Variants in PLXNB3 observed in about 807,000 individuals in gnomAD.
PLXNB3 encodes plexin-B3.
A neutral mutation model predicts 125.7 loss-of-function variants in PLXNB3; 80 were observed. The ratio of observed to expected loss-of-function variants is 0.64; its 90% CI spans 0.53 to 0.77. The LOEUF (loss-of-function observed/expected upper bound fraction) is 0.77, where lower values mean the gene tolerates loss of function less well. Ranked by LOEUF, PLXNB3 falls within the 30% of genes least tolerant of loss-of-function variation. The probability of loss-of-function intolerance (pLI) is 0.00; values close to 1 mark genes in which losing one functional copy is unlikely to be tolerated. For missense variants in PLXNB3, 1,836 were observed against 1,729.3 expected (o/e 1.06, Z -1.09); for synonymous variants, 954 against 783.3 (o/e 1.22, Z -3.64).
At chrX:153,765,277 C>T (rs2091844593) in intron 1 of PLXNB3, among the ~76,000 whole-genome samples, 194 bp from the exon 2 acceptor site, 2 of 113,007 alleles carry the variant, frequency 1.8e-5, no homozygotes, top group Non-Finnish European at 3.8e-5. Context: ...CGAGTGGGGC[C>T]CTGGCCTGGC....
At chrX:153,771,717 G>C in intron 14 of PLXNB3, 62 bp downstream of exon 14, 2 of 1,131,989 alleles carry the variant, frequency 1.8e-6, no homozygotes, top group South Asian at 4.1e-5. Context: ...GCACTGTCCT[G>C]TCCTCCGTGA....
At position 153,775,314 on chromosome X, in the gene PLXNB3, G is replaced by A; in HGVS notation, c.4245G>A (p.Lys1415=). The A allele has an allele frequency of 8.3e-7, 1 of 1,210,408 alleles. No homozygotes were observed. ...ASLLSLALHG[K]LEYLTDIMRT... is the part of the protein sequence containing the mutation. ...TGCTGTCGCTAGCGCTACACGGCAA[G>A]CTGGAGTACCTGACGGACATCATGA... is the stretch of plus-strand genomic sequence containing the variant. Residue 1415 remains lysine, a synonymous_variant, in exon 25 of 36, where the codon AAG becomes AAA. Coordinates refer to ENST00000361971, the MANE Select transcript of PLXNB3 (RefSeq NM_005393.3).
Position 153,778,467 on chromosome X carries a change from C to T in PLXNB3, c.5546C>T (p.Ser1849Phe). Residue 1849 changes from serine to phenylalanine, a missense_variant, in exon 34 of 36, where the codon TCC (serine) becomes TTC (phenylalanine). Transcript: ENST00000361971. ...QEMNSALAEL[S>F]GNYTSAPHCL... is the part of the protein sequence containing the mutation. ...ATGAACTCTGCTTTGGCTGAGCTCT[C>T]CGGGGTGAGGCATGGCCCGGGGGGT... is the stretch of plus-strand genomic sequence containing the variant. The T allele has an allele frequency of 8.3e-7, 1 of 1,208,506 alleles. No individual in the cohort carries two copies. The highest frequency in any genetic ancestry group is 3.0e-5 in the East Asian group (1 of 33,723).
Position 153,777,195 on chromosome X carries a change from C to T in PLXNB3, c.4928-13C>T. The T allele has an allele frequency of 8.8e-7, 1 of 1,135,234 alleles. No individual in the cohort carries two copies. Among genetic ancestry groups the T allele is most frequent in the Non-Finnish European group, 1.2e-6 (1 of 853,350 alleles). 93.6% of individuals were successfully genotyped at this position (1,135,234 alleles called of 1,213,427 possible). On this transcript the variant is annotated splice_polypyrimidine_tract_variant and intron_variant, in intron 29 of 35. Transcript: ENST00000361971. Reference sequence around the variant, plus strand: ...GGGGGTATAGCCCTGAAGCCAGGCTCCTGTGCCCTCAGACATACCCACGCT... The same window carrying T: ...GGGGGTATAGCCCTGAAGCCAGGCTTCTGTGCCCTCAGACATACCCACGCT...
rs782224384 is a variant in PLXNB3 at position 153,767,844 on chromosome X, G to A, written c.1017G>A (p.Arg339=). 3.5e-6 allele frequency: 4 copies of A among 1,139,278 alleles called. No homozygotes were observed. The African/African-American group carries it at 5.4e-5, about 15-fold the overall frequency. The allele number at this position is 1,139,278 out of a possible 1,213,427, so 93.9% of individuals were successfully genotyped here. A position where few individuals can be genotyped will look rare whatever the true frequency, so the allele number is the denominator to read the frequency against. ...GACTCTGCTACACGGCGGGCGGCCG[G>A]GGCCCCAGCGGCGCAGAGGAAGCCA... ...ARRLCYTAGG[R]GPSGAEEATV... is the part of the protein sequence containing the mutation. The change falls in exon 3 of 36, where the codon CGG becomes CGA. Residue 339 remains arginine (R), a synonymous_variant. Transcript: ENST00000361971.
At chrX:153,769,112 C>G (rs368468236) in intron 5 of PLXNB3, 36 bp downstream of exon 5, 7 of 1,200,585 alleles carry the variant, frequency 5.8e-6, no homozygotes, top group Non-Finnish European at 7.9e-6. Flanking sequence ...GGCCAGCACA[C>G]GCGGCCCAAG....
intron 14 of PLXNB3, 24 bp downstream of exon 14, chrX:153,771,679 C>G: frequency 4.3e-6 from 5 of 1,163,263 alleles, no homozygotes; most frequent in Non-Finnish European, 5.7e-6. Flanking sequence ...CGGGCCCCCA[C>G]AGCCCAGTGG....
Position 153,769,737 on chromosome X carries a change from AGGCCCCTGTTGCCGGTCATCCT to A in PLXNB3, c.1497-69_1497-48del. 2.7e-6 allele frequency: 3 copies of A among 1,100,804 alleles called. No homozygotes were observed. In the South Asian group the frequency reaches 6.3e-5, roughly 23 times the overall value. 90.7% of individuals were successfully genotyped at this position (1,100,804 alleles called of 1,213,427 possible). On this transcript the variant is annotated intron_variant, in intron 6 of 35. Coordinates refer to ENST00000361971, the MANE Select transcript of PLXNB3 (RefSeq NM_005393.3). Reference sequence around the variant, plus strand: ...GCACTCCAGCTGGGCCGGCCTCCCCAGGCCCCTGTTGCCGGTCATCCTTGGAGTCTAGGACCCCCACGGTGAC... The same window carrying A: ...GCACTCCAGCTGGGCCGGCCTCCCCATGGAGTCTAGGACCCCCACGGTGAC...
In PLXNB3 at chrX:153,773,395, C is replaced by T. The variant is rs1603247414; in HGVS notation, c.3072C>T (p.Ala1024=). 1 of 1,201,701 alleles carries T rather than the reference C, an allele frequency of 8.3e-7. No homozygotes were observed. Among genetic ancestry groups the T allele is most frequent in the Middle Eastern group, 2.3e-4 (1 of 4,263 alleles). The part of the protein sequence containing the change: ...NPQLVAAEPS[A]SFRGGGRLIR... ...AGCTTGTAGCGGCGGAGCCCAGTGC[C>T]AGCTTCCGGGGGTGAGGGTCAGCCC... Residue 1024 remains alanine, a synonymous_variant, in exon 18 of 36, where the codon GCC becomes GCT. Transcript: ENST00000361971.
rs782818597 is a variant in PLXNB3 at position 153,772,987 on chromosome X, T to C, written c.2877T>C (p.Ser959=). Residue 959 remains serine (S), a synonymous_variant, in exon 17 of 36, where the codon AGT becomes AGC. Transcript: ENST00000361971. Reference sequence around the variant, plus strand: ...ACCTCCAGACAGGTGGCAACACCAGTGCCTTCGTGGGTGGCCAACCCTGTC... The same window carrying C: ...ACCTCCAGACAGGTGGCAACACCAGCGCCTTCGTGGGTGGCCAACCCTGTC... ...GQHLQTGGNT[S]AFVGGQPCPI... The C allele has an allele frequency of 1.7e-6, 2 of 1,195,346 alleles. No homozygotes were observed. The highest frequency in any genetic ancestry group is 3.5e-5 in the African/African-American group (2 of 56,925).
chrX:153,777,854 G>A (rs1329586857), intron 31 of PLXNB3, 94 bp from the exon 32 acceptor site: 2 of 1,110,191 alleles, frequency 1.8e-6, no homozygotes, highest in Middle Eastern at 6.9e-4. Context: ...GCGGCCCCTG[G>A]CTCCGAGTGT....
rs1308989605 is a variant in PLXNB3, at chrX:153,767,456, G to T, written c.629G>T (p.Gly210Val). The change falls in exon 3 of 36, where the codon GGG (glycine) becomes GTG (valine). Residue 210 changes from glycine (G) to valine (V), a missense_variant. Gly to Val is a moderately radical substitution (Grantham distance 109). Coordinates refer to ENST00000361971, the MANE Select transcript of PLXNB3 (RefSeq NM_005393.3). ...VPPLAIRQLAGSQPFSSEGLG... is the reference protein window; with the variant it reads ...VPPLAIRQLAVSQPFSSEGLG... Reference sequence around the variant, plus strand: ...CCCCTGGCCATCCGCCAGCTGGCCGGGTCTCAGCCCTTCTCCAGCGAGGGC... The same window carrying T: ...CCCCTGGCCATCCGCCAGCTGGCCGTGTCTCAGCCCTTCTCCAGCGAGGGC... The T allele has an allele frequency of 8.4e-7, 1 of 1,193,207 alleles. No individual in the cohort carries two copies. The highest frequency in any genetic ancestry group is 1.7e-5 in the African/African-American group (1 of 57,169).
Position 153,770,541 on chromosome X carries a change from G to T in PLXNB3, c.1909G>T (p.Val637Leu). 3 of 1,211,037 alleles carry T rather than the reference G, an allele frequency of 2.5e-6. No individual in the cohort carries two copies. The highest frequency in any genetic ancestry group is 3.4e-6 in the Non-Finnish European group (3 of 895,282). ...LEAAAPCRACVGSIWRCHWCP... is the reference protein window; with the variant it reads ...LEAAAPCRACLGSIWRCHWCP... ...CTGCCCCTCTAGGTGTCGCGCTTGC[G>T]TGGGCAGCATCTGGCGGTGTCACTG... is the stretch of plus-strand genomic sequence containing the variant. The change falls in exon 10 of 36, where the codon GTG becomes TTG. Residue 637 changes from valine (V) to leucine (L), a missense_variant. Physicochemically the swap from Val to Leu is conservative, Grantham distance 32. Coordinates refer to ENST00000361971, the MANE Select transcript of PLXNB3 (RefSeq NM_005393.3).
At chrX:153,777,021 G>A (rs782055203) in intron 29 of PLXNB3, 41 bp downstream of exon 29, 11 of 1,043,669 alleles carry the variant, frequency 1.1e-5, no homozygotes, top group Middle Eastern at 2.5e-4. Flanking sequence ...TGGAGTCCAG[G>A]CTGGGCAGGC....
At position 153,773,380 on chromosome X, in the gene PLXNB3, G is replaced by T. The variant is rs782607267; in HGVS notation, c.3057G>T (p.Ala1019=). 3 of 1,205,229 alleles carry T rather than the reference G, an allele frequency of 2.5e-6. No homozygotes were observed. The highest frequency in any genetic ancestry group is 3.6e-5 in the South Asian group (2 of 56,112). ...FRYTANPQLV[A]AEPSASFRGG... is the part of the protein sequence containing the mutation. ...ACACCGCCAACCCCCAGCTTGTAGC[G>T]GCGGAGCCCAGTGCCAGCTTCCGGG... The change falls in exon 18 of 36, where the codon GCG becomes GCT. Residue 1019 remains alanine, a synonymous_variant. Coordinates refer to ENST00000361971, the MANE Select transcript of PLXNB3 (RefSeq NM_005393.3).
At chrX:153,766,367 G>T (rs1025397219) in intron 2 of PLXNB3, 1 of 1,119,189 alleles carries the variant, frequency 8.9e-7, no homozygotes, top group Non-Finnish European at 1.2e-6. Context: ...GCACACGGTG[G>T]CCTCACTCCT....
intron 2 of PLXNB3, chrX:153,766,270 C>G: frequency 8.6e-7 from 1 of 1,166,558 alleles, no homozygotes; most frequent in Non-Finnish European, 1.1e-6. Flanking sequence ...GGCTGCCTGG[C>G]TCTTTCCCCC....
chrX:153,776,152 T>C lies in PLXNB3; in HGVS notation c.4667T>C (p.Leu1556Ser), dbSNP rs1569542156. ...DTITQVKEKVLDQVYKGTPFS... is the reference protein window; with the variant it reads ...DTITQVKEKVSDQVYKGTPFS... ...ATCACCCAGGTCAAGGAGAAGGTGTTGGACCAAGTCTACAAGGGCACCCCC... is the reference window on the plus strand; with the variant it reads ...ATCACCCAGGTCAAGGAGAAGGTGTCGGACCAAGTCTACAAGGGCACCCCC... The change falls in exon 27 of 36, where the codon TTG (leucine) becomes TCG (serine). Residue 1556 changes from leucine to serine, a missense_variant. By Grantham distance (145) the Leu-to-Ser change is moderately radical (BLOSUM62 -2). Coordinates refer to ENST00000361971, the MANE Select transcript of PLXNB3 (RefSeq NM_005393.3). 1 of 1,201,867 alleles carries C rather than the reference T, an allele frequency of 8.3e-7. No homozygotes were observed. Among genetic ancestry groups the C allele is most frequent in the East Asian group, 3.0e-5 (1 of 33,365 alleles).
At position 153,766,332 on chromosome X, in the gene PLXNB3, T is replaced by C. The variant is rs782410635; in HGVS notation, c.46-541T>C. 3.4e-4 allele frequency: 392 copies of C among 1,150,080 alleles called. 1 individual carries two copies. Among genetic ancestry groups the C allele is most frequent in the Non-Finnish European group, 5.0e-5 (43 of 864,086 alleles). 94.8% of individuals were successfully genotyped at this position (1,150,080 alleles called of 1,213,427 possible). A position where few individuals can be genotyped will look rare whatever the true frequency, so the allele number is the denominator to read the frequency against. On this transcript the variant is annotated intron_variant, in intron 2 of 35. Transcript: ENST00000361971. Reference sequence around the variant, plus strand: ...CGGCCCTGGCTGCCCAAGGCAGGTTTTCTCTCCCTGTCTGGTCCCTTGGGG... The same window carrying C: ...CGGCCCTGGCTGCCCAAGGCAGGTTCTCTCTCCCTGTCTGGTCCCTTGGGG...
Sources: gnomAD v4.1 joint callset for allele counts (sites outside exome capture counted in the v4.1 genomes callset) on GRCh38, gnomAD v4.1.1 for gene constraint, MANE v1.5 for transcripts, NCBI Gene and HGNC (gene_info 2026-07-23, HGNC 2026-07-21) for gene names.